The following MALRD1 variants were observed in gnomAD, a reference collection of about 807,000 sequenced individuals.
The protein encoded by MALRD1 is MAM and LDL receptor class A domain containing 1.
In MALRD1, 247 loss-of-function variants were observed where a neutral mutation model predicts 242.1. The observed-to-expected ratio is 1.02, with a 90% CI of 0.92 to 1.13. The LOEUF is 1.13. MALRD1 is among the 50% of genes most tolerant of loss of function. The pLI, the probability that MALRD1 is intolerant of heterozygous loss-of-function variation, is 0.00. For synonymous variants in MALRD1, 995 were observed against 866.6 expected (o/e 1.15, Z -2.60); for missense variants, 2,989 against 2,533.1 (o/e 1.18, Z -3.86).
rs1835874470 is a variant in MALRD1 at position 19,091,857 on chromosome 10, C to T, written c.597+3672C>T. Among the ~76,000 whole-genome samples, 2 of 89,300 alleles carry T rather than the reference C, an allele frequency of 2.2e-5. 1 individual carries two copies. The highest frequency in any genetic ancestry group is 6.9e-4 in the South Asian group (2 of 2,884). The allele number at this position is 89,300 out of a possible 152,430, so 58.6% of individuals were successfully genotyped here. ...TTCATTTCATTATGTACCCAGTAGT[C>T]ATTCAGGAGCAGTTTGTTCAGTTTC... is the stretch of plus-strand genomic sequence containing the variant. On this transcript the variant is annotated intron_variant, in intron 4 of 39. Transcript: ENST00000454679.
intron 5 of MALRD1, among the ~76,000 whole-genome samples, chr10:19,118,184 G>A (rs1836938511): frequency 6.6e-6 from 1 of 152,108 alleles, no homozygotes; most frequent in Non-Finnish European, 1.5e-5. Flanking sequence ...AAACAGTAGA[G>A]GAAATAAGCC....
intron 24 of MALRD1, among the ~76,000 whole-genome samples, chr10:19,343,190 A>G (rs1588941611): frequency 6.6e-6 from 1 of 152,126 alleles, no homozygotes; most frequent in South Asian, 2.1e-4. Flanking sequence ...AAACCACTCT[A>G]TCATAAATTC....
chr10:19,146,152 A>T (rs933240095), intron 10 of MALRD1, 46 bp from the exon 11 acceptor site: 3 of 1,225,614 alleles, frequency 2.4e-6, no homozygotes, highest in Non-Finnish European at 3.1e-6. Flanking sequence ...GTTTGCCTGC[A>T]TGCTCTTCAT....
At chr10:19,292,828 G>C (rs1011934651) in intron 21 of MALRD1, among the ~76,000 whole-genome samples, 3 of 147,596 alleles carry the variant, frequency 2.0e-5, no homozygotes, top group African/African-American at 7.5e-5. Context: ...GGGAGGCGGA[G>C]CTTGCAGTGA....
intron 36 of MALRD1, among the ~76,000 whole-genome samples, chr10:19,622,229 C>G (rs1181735866): frequency 6.6e-6 from 1 of 151,222 alleles, no homozygotes; most frequent in Non-Finnish European, 1.5e-5. Flanking sequence ...ATGAAAAACC[C>G]TAGAGAATTG....
intron 29 of MALRD1, among the ~76,000 whole-genome samples, chr10:19,477,037 T>G (rs1407802675): frequency 6.6e-6 from 1 of 152,192 alleles, no homozygotes; most frequent in Admixed American, 6.5e-5. Flanking sequence ...CTCTATATAA[T>G]TCTTGATTTT....
intron 36 of MALRD1, among the ~76,000 whole-genome samples, chr10:19,643,717 C>T (rs1455252945): frequency 2.6e-5 from 4 of 152,188 alleles, no homozygotes; most frequent in Admixed American, 6.5e-5. Context: ...TCCAGAAACA[C>T]TGCCTATTCT....
chr10:19,331,356 C>CA lies in MALRD1; in HGVS notation c.3688-13_3688-12insA, dbSNP rs1843359762. 1 of 1,342,336 alleles carries CA rather than the reference C, an allele frequency of 7.4e-7. No homozygotes were observed. 83.2% of individuals were successfully genotyped at this position (1,342,336 alleles called of 1,614,324 possible). ...TGATTGACAGTTTAACTGTAACTGG[C>CA]TTTTTTTTTTAGATTGTCTTCAGAG... is the stretch of plus-strand genomic sequence containing the variant. On this transcript the variant is annotated splice_polypyrimidine_tract_variant and intron_variant, in intron 23 of 39. Transcript: ENST00000454679.
chr10:19,176,194 A>G lies in MALRD1; in HGVS notation c.1951+866A>G, dbSNP rs1356199124. Reference sequence around the variant, plus strand: ...TACTGTATATTCCTAAGTTATATATACTTAAACAACATATTTAGTGAGTGC... The same window carrying G: ...TACTGTATATTCCTAAGTTATATATGCTTAAACAACATATTTAGTGAGTGC... On this transcript the variant is annotated intron_variant, in intron 14 of 39. Coordinates refer to ENST00000454679, the MANE Select transcript of MALRD1 (RefSeq NM_001142308.3). Among the ~76,000 whole-genome samples, 4 of 152,116 alleles carry G rather than the reference A, an allele frequency of 2.6e-5. No homozygotes were observed. The East Asian group carries it at 7.7e-4, about 29-fold the overall frequency.
At chr10:19,722,619 A>AAAAAAAAAAAAAAAAAAAAAAG (rs57292963) in intron 38 of MALRD1, 2 of 144,482 alleles carry the variant, frequency 1.4e-5, no homozygotes, top group African/African-American at 5.1e-5. Flanking sequence ...AAAAAAAAAA[A>AAAAAAAAAAAAAAAAAAAAAAG]GGTGGAAAAA....
At chr10:19,589,029 C>G (rs1837609982) in intron 33 of MALRD1, among the ~76,000 whole-genome samples, 1 of 152,114 alleles carries the variant, frequency 6.6e-6, no homozygotes, top group Non-Finnish European at 1.5e-5. Flanking sequence ...ACAATAAAGA[C>G]AAGGGTAAAC....
intron 2 of MALRD1, among the ~76,000 whole-genome samples, chr10:19,078,504 C>A (rs936688858): frequency 1.3e-5 from 2 of 151,756 alleles, no homozygotes; most frequent in Non-Finnish European, 2.9e-5. Context: ...ATGTCTTTGT[C>A]TGGTTTTGGT....
intron 33 of MALRD1, among the ~76,000 whole-genome samples, chr10:19,589,000 T>C (rs2131539772): frequency 6.6e-6 from 1 of 152,340 alleles, no homozygotes; most frequent in Admixed American, 6.5e-5. Context: ...GATGTTTATG[T>C]GCTTGTCACA....
chr10:19,390,150 T>A (rs7899858), intron 28 of MALRD1, among the ~76,000 whole-genome samples: 132,877 of 152,242 alleles, frequency 0.87, 58,231 homozygotes, highest in African/African-American at 0.92. Flanking sequence ...CATTATATAA[T>A]AGTAATTAAT....
chr10:19,460,527 T>C (rs1330671181), intron 29 of MALRD1, among the ~76,000 whole-genome samples: 1 of 151,972 alleles, frequency 6.6e-6, no homozygotes, highest in Non-Finnish European at 1.5e-5. Context: ...AAGAAAGCCT[T>C]TGGAAAAATA....
At chr10:19,559,744 C>A (rs566809784) in intron 32 of MALRD1, among the ~76,000 whole-genome samples, 7 of 152,148 alleles carry the variant, frequency 4.6e-5, no homozygotes, top group African/African-American at 1.7e-4. Context: ...ATCCATCTGA[C>A]AAAGGGCTAA....
At position 19,231,850 on chromosome 10, in the gene MALRD1, T is replaced by C. The variant is rs568424128; in HGVS notation, c.2991+22170T>C. On this transcript the variant is annotated intron_variant, in intron 18 of 39. Coordinates refer to ENST00000454679, the MANE Select transcript of MALRD1 (RefSeq NM_001142308.3). ...TCCCGCTTTCTGTTTTTGTTTTTTT[T>C]CTAGCCTATATTTCTACTAAAACTT... Among the ~76,000 whole-genome samples, 4 of 152,208 alleles carry C rather than the reference T, an allele frequency of 2.6e-5. No homozygotes were observed. In the South Asian group the frequency reaches 6.2e-4, roughly 24 times the overall value.
chr10:19,478,196 T>C (rs757053323), intron 29 of MALRD1, among the ~76,000 whole-genome samples: 1 of 152,216 alleles, frequency 6.6e-6, no homozygotes, highest in Non-Finnish European at 1.5e-5. Context: ...CTGCGCATTA[T>C]TGTTTTGAAC....
intron 2 of MALRD1, among the ~76,000 whole-genome samples, chr10:19,083,917 C>A (rs1835576118): frequency 6.6e-6 from 1 of 151,866 alleles, no homozygotes; most frequent in Admixed American, 6.6e-5. Context: ...GACATTTTTG[C>A]CAGTTTTAAA....
Sources: allele counts gnomAD v4.1 joint callset (sites outside exome capture counted in the v4.1 genomes callset), GRCh38; gene constraint gnomAD v4.1.1; transcripts MANE v1.5; gene names NCBI Gene and HGNC (gene_info 2026-07-23, HGNC 2026-07-21).